MTMR11: variants seen among roughly 807,000 people sequenced by gnomAD.
The protein encoded by MTMR11 is myotubularin related protein 11, also known as myotubularin-related protein 11.
In MTMR11, 89 loss-of-function variants were observed where a neutral mutation model predicts 100.0. That is an observed-to-expected ratio of 0.89 (90% CI 0.75 to 1.06). MTMR11 has a LOEUF of 1.06. Among genes scored for constraint, MTMR11 ranks in the 50% least tolerant of loss-of-function variants. MTMR11 has a pLI of 0.00. For missense variants in MTMR11, 809 were observed against 873.7 expected (o/e 0.93, Z 0.93); for synonymous variants, 336 against 326.3 (o/e 1.03, Z -0.32).
chr1:149,932,168 G>A, intron 11 of MTMR11, 96 bp downstream of exon 11: 2 of 1,429,618 alleles, frequency 1.4e-6, no homozygotes, highest in East Asian at 2.3e-5. Context: ...GGAAACCGAG[G>A]AGAAGAACTA....
At chr1:149,929,338 A>C in intron 16 of MTMR11, 21 bp from the exon 17 acceptor site, 1 of 1,593,914 alleles carries the variant, frequency 6.3e-7, no homozygotes, top group Non-Finnish European at 8.6e-7. Flanking sequence ...GGCAAAGAGG[A>C]ACAGAGAAGA....
At chr1:149,930,080 A>G (rs189397789) in intron 15 of MTMR11, 164 bp from the exon 16 acceptor site, 15 of 806,828 alleles carry the variant, frequency 1.9e-5, no homozygotes, top group African/African-American at 1.0e-4. Context: ...TTAGGCTTCA[A>G]CTAGGCCTCG....
Position 149,928,737 on chromosome 1 carries a change from G to A in MTMR11, c.*392C>T, listed in dbSNP as rs1002256578. 3 of 881,894 alleles carry A rather than the reference G, an allele frequency of 3.4e-6. No homozygotes were observed. The highest frequency in any genetic ancestry group is 2.9e-5 in the South Asian group (2 of 69,106). The allele number at this position is 881,894 out of a possible 1,614,324, so 54.6% of individuals were successfully genotyped here. The stretch of plus-strand genomic sequence containing the variant: ...AGGAGATAGGGTGTTTCCTGTATCC[G>A]CCTCATTCCCATAGAAAACTATAAG... On this transcript the variant is annotated 3_prime_UTR_variant, in exon 17 of 17. Coordinates refer to ENST00000439741, the MANE Select transcript of MTMR11 (RefSeq NM_001145862.2).
chr1:149,930,764 A>C lies in MTMR11; in HGVS notation c.1464+28T>G, dbSNP rs781914678. 6.6e-6 allele frequency: 10 copies of C among 1,524,700 alleles called. No individual in the cohort carries two copies. In the African/African-American group the frequency reaches 9.8e-5, roughly 15 times the overall value. 94.4% of individuals were successfully genotyped at this position (1,524,700 alleles called of 1,614,324 possible). A position where few individuals can be genotyped will look rare whatever the true frequency, so the allele number is the denominator to read the frequency against. On this transcript the variant is annotated intron_variant, in intron 14 of 16. Coordinates refer to ENST00000439741, the MANE Select transcript of MTMR11 (RefSeq NM_001145862.2). The stretch of plus-strand genomic sequence containing the variant: ...AGAGTACATCTCAATGGAAAAAAAA[A>C]CACGAGTCAAAAATAGAAGTCACTG...
intron 13 of MTMR11, 68 bp from the exon 14 acceptor site, chr1:149,931,033 G>A (rs1296113848): frequency 3.2e-5 from 47 of 1,454,764 alleles, no homozygotes; most frequent in Non-Finnish European, 4.1e-5. Context: ...GAGATGATAA[G>A]GGAATGGGGA....
chr1:149,936,355 A>G (rs2092722557), intron 1 of MTMR11, 126 bp from the exon 2 acceptor site: 2 of 1,500,232 alleles, frequency 1.3e-6, no homozygotes, highest in Non-Finnish European at 1.8e-6. Context: ...GTCTGTGGGG[A>G]GCTCCAGACC....
At chr1:149,929,994 G>GGCAGCAGGACA in intron 15 of MTMR11, 78 bp from the exon 16 acceptor site, 1 of 1,436,716 alleles carries the variant, frequency 7.0e-7, no homozygotes, top group Non-Finnish European at 9.4e-7. Flanking sequence ...AGGACAGGGT[G>GGCAGCAGGACA]TCCTGCTGCC....
Position 149,932,318 on chromosome 1 carries a change from G to C in MTMR11, c.998C>G (p.Ala333Gly), listed in dbSNP as rs782278104. 6.2e-7 allele frequency: 1 copy of C among 1,613,654 alleles called. No individual in the cohort carries two copies. The highest frequency in any genetic ancestry group is 1.1e-5 in the South Asian group (1 of 91,064). The change falls in exon 11 of 17, where the codon GCT (alanine) becomes GGT (glycine). Residue 333 changes from alanine to glycine, a missense_variant. By Grantham distance (60) the Ala-to-Gly change is moderately conservative. Coordinates refer to ENST00000439741, the MANE Select transcript of MTMR11 (RefSeq NM_001145862.2). ...CAGGGCTGAAAGCCATTTATCCTCA[G>C]CTACAGATGAATCTGATAGAGGGTA... ...RALCLPDSSV[A>G]EDKWLSALEG... is the part of the protein sequence containing the mutation.
In MTMR11 at chr1:149,929,635, C is replaced by G; in HGVS notation, c.1929G>C (p.Arg643Ser). ...RLWRRCYLRGRPEVQMGLSAP... is the reference protein window; with the variant it reads ...RLWRRCYLRGSPEVQMGLSAP... ...TTTCCCTTCTTACCTGGACCTCAGG[C>G]CTTCCCCTCAGGTAGCAGCGTCTCC... The change falls in exon 16 of 17, where the codon AGG becomes AGC. Residue 643 changes from arginine (R) to serine (S), a missense_variant. Transcript: ENST00000439741. The G allele has an allele frequency of 1.2e-6, 2 of 1,611,990 alleles. No homozygotes were observed.
At position 149,933,940 on chromosome 1, in the gene MTMR11, A is replaced by C. The variant is rs1553768323; in HGVS notation, c.686T>G (p.Leu229Arg). The C allele has an allele frequency of 6.2e-7, 1 of 1,613,464 alleles. No individual in the cohort carries two copies. The highest frequency in any genetic ancestry group is 2.2e-5 in the East Asian group (1 of 44,880). ...VNERFDVATS[L>R]PRYFWVPNRI... Reference sequence around the variant, plus strand: ...GTTAGGGACCCAGAAGTAACGGGGGAGGCTGTGAAATGAGAGTGATATTAC... The same window carrying C: ...GTTAGGGACCCAGAAGTAACGGGGGCGGCTGTGAAATGAGAGTGATATTAC... The change falls in exon 8 of 17, where the codon CTC becomes CGC. Residue 229 changes from leucine to arginine, a missense_variant and splice_region_variant. Transcript: ENST00000439741.
At chr1:149,931,078 G>C (rs2092653757) in intron 13 of MTMR11, 113 bp from the exon 14 acceptor site, 1 of 1,352,336 alleles carries the variant, frequency 7.4e-7, no homozygotes, top group East Asian at 2.5e-5. Flanking sequence ...GGAAGTCAGG[G>C]AATGAAAATC....
Position 149,933,405 on chromosome 1 carries a change from C to T in MTMR11, c.985+1G>A. 6.2e-7 allele frequency: 1 copy of T among 1,614,108 alleles called. No individual in the cohort carries two copies. Among genetic ancestry groups the T allele is most frequent in the Non-Finnish European group, 8.5e-7 (1 of 1,180,006 alleles). ...GGTTAGGGGTCAAAGGTTATTCTCACCAGGCAGGCAGAGGGCCCTCAGCCT... is the reference window on the plus strand; with the variant it reads ...GGTTAGGGGTCAAAGGTTATTCTCATCAGGCAGGCAGAGGGCCCTCAGCCT... On this transcript the variant is annotated splice_donor_variant, in intron 10 of 16. Transcript: ENST00000439741. LOFTEE classifies it high-confidence loss of function.
In MTMR11 at chr1:149,928,951, A is replaced by G. The variant is rs782002483; in HGVS notation, c.*178T>C. On this transcript the variant is annotated 3_prime_UTR_variant, in exon 17 of 17. Transcript: ENST00000439741. Reference sequence around the variant, plus strand: ...ATTGTTTTTGTTTCTTAATCCTTCAAATGACAAGAAGCAAAAATATTTGTA... The same window carrying G: ...ATTGTTTTTGTTTCTTAATCCTTCAGATGACAAGAAGCAAAAATATTTGTA... 5.6e-6 allele frequency: 9 copies of G among 1,613,820 alleles called. No individual in the cohort carries two copies. Among genetic ancestry groups the G allele is most frequent in the South Asian group, 5.5e-5 (5 of 91,058 alleles).
chr1:149,936,657 TC>T lies in MTMR11; in HGVS notation c.-11del. 1 of 1,531,324 alleles carries T rather than the reference TC, an allele frequency of 6.5e-7. No homozygotes were observed. Among genetic ancestry groups the T allele is most frequent in the Non-Finnish European group, 8.9e-7 (1 of 1,128,796 alleles). 94.9% of individuals were successfully genotyped at this position (1,531,324 alleles called of 1,614,324 possible). ...GGCCCCCCCACCACATTTCTCTGGC[TC>T]CATCCGGGGACACAGCAGTTAAGGG... On this transcript the variant is annotated 5_prime_UTR_variant, in exon 1 of 17. Transcript: ENST00000439741.
In MTMR11 at chr1:149,929,885, G is replaced by C. The variant is rs141272997; in HGVS notation, c.1679C>G (p.Ser560Cys). The C allele has an allele frequency of 1.9e-6, 3 of 1,613,482 alleles. No individual in the cohort carries two copies. The highest frequency in any genetic ancestry group is 1.3e-5 in the African/African-American group (1 of 74,978). The change falls in exon 16 of 17, where the codon TCT becomes TGT. Residue 560 changes from serine to cysteine, a missense_variant. Transcript: ENST00000439741. ...PSFMVPGPPS[S>C]VWLFSRGALT... Reference sequence around the variant, plus strand: ...TGCTCCTCTAGAGAAGAGCCACACAGAACTGGGGGGTCCAGGAACCATGAA... The same window carrying C: ...TGCTCCTCTAGAGAAGAGCCACACACAACTGGGGGGTCCAGGAACCATGAA...
rs782628602 is a variant in MTMR11, at chr1:149,934,499, C to T, written c.496G>A (p.Ala166Thr). 1.2e-6 allele frequency: 2 copies of T among 1,614,222 alleles called. No individual in the cohort carries two copies. The highest frequency in any genetic ancestry group is 4.5e-5 in the East Asian group (2 of 44,890). The change falls in exon 6 of 17, where the codon GCT (alanine) becomes ACT (threonine). Residue 166 changes from alanine (A) to threonine (T), a missense_variant. Transcript: ENST00000439741. ...TACTGTTGGGCTTGATTGCTCTGAGCTCTGGCTTGGACAATGGCCATGGTC... is the reference window on the plus strand; with the variant it reads ...TACTGTTGGGCTTGATTGCTCTGAGTTCTGGCTTGGACAATGGCCATGGTC... The part of the protein sequence containing the change: ...QVTMAIVQAR[A>T]QSNQAQQYSG...
chr1:149,935,789 G>A, intron 2 of MTMR11, 84 bp from the exon 3 acceptor site: 1 of 1,429,654 alleles, frequency 7.0e-7, no homozygotes, highest in Non-Finnish European at 9.4e-7. Context: ...AAGAAAGGGA[G>A]ATCTAAATAG....
intron 3 of MTMR11, 74 bp from the exon 4 acceptor site, chr1:149,935,433 C>T: frequency 6.3e-7 from 1 of 1,591,610 alleles, no homozygotes; most frequent in East Asian, 2.2e-5. Context: ...CCAACCCCTT[C>T]TAGGGGGCAA....
chr1:149,935,297 A>T lies in MTMR11; in HGVS notation c.325+2T>A. 6.2e-7 allele frequency: 1 copy of T among 1,606,646 alleles called. No homozygotes were observed. On this transcript the variant is annotated splice_donor_variant, in intron 4 of 16. Coordinates refer to ENST00000439741, the MANE Select transcript of MTMR11 (RefSeq NM_001145862.2). LOFTEE classifies it high-confidence loss of function. ...CCTTCACCAAACCCCCCCCCAACTT[A>T]CCAGCCTCTAATCGTCCAATGTTGA...
Sources: gnomAD v4.1 joint callset for allele counts on GRCh38, gnomAD v4.1.1 for gene constraint, MANE v1.5 for transcripts, NCBI Gene and HGNC (gene_info 2026-07-23, HGNC 2026-07-21) for gene names.